Variants in ALK observed in about 807,000 individuals in gnomAD.
ALK encodes ALK receptor tyrosine kinase, also known as ALK tyrosine kinase receptor.
ALK carries 74 observed loss-of-function variants against 163.1 expected under a neutral mutation model. That is an observed-to-expected ratio of 0.45 (90% CI 0.38 to 0.55). ALK has a LOEUF of 0.55. ALK is among the 20% of genes least tolerant of loss of function. ALK has a pLI of 0.00. For missense variants in ALK, 2,063 were observed against 2,105.3 expected (o/e 0.98, Z 0.39); for synonymous variants, 960 against 843.2 (o/e 1.14, Z -2.40).
At chr2:29,473,655 A>T (rs1558339716) in intron 4 of ALK, among the ~76,000 whole-genome samples, 1 of 152,048 alleles carries the variant, frequency 6.6e-6, no homozygotes, top group South Asian at 2.1e-4. Flanking sequence ...CATCAGGGAA[A>T]TGCAGGAGTT....
chr2:29,746,302 C>A (rs1385717130), intron 1 of ALK, among the ~76,000 whole-genome samples: 8 of 152,142 alleles, frequency 5.3e-5, no homozygotes, highest in Admixed American at 5.2e-4. Flanking sequence ...CAGTTTTAAA[C>A]AATTAATTTT....
intron 3 of ALK, among the ~76,000 whole-genome samples, chr2:29,649,992 T>A (rs1023660655): frequency 6.6e-6 from 1 of 152,158 alleles, no homozygotes; most frequent in African/African-American, 2.4e-5. Context: ...CCTTTGGGAA[T>A]CAAACTCCAC....
intron 1 of ALK, among the ~76,000 whole-genome samples, chr2:29,779,522 C>A (rs1273607921): frequency 6.6e-6 from 1 of 152,222 alleles, no homozygotes; most frequent in South Asian, 2.1e-4. Flanking sequence ...GCTCTCTCTT[C>A]ACCAGCAATA....
chr2:29,359,014 A>T (rs762393463), intron 5 of ALK, among the ~76,000 whole-genome samples: 2 of 152,174 alleles, frequency 1.3e-5, no homozygotes, highest in Non-Finnish European at 2.9e-5. Flanking sequence ...GCTGTACAAC[A>T]TTATGCCTAT....
intron 11 of ALK, among the ~76,000 whole-genome samples, chr2:29,274,638 G>C (rs1433752371): frequency 1.3e-5 from 2 of 152,242 alleles, no homozygotes; most frequent in Non-Finnish European, 2.9e-5. Context: ...AGGGATCTGA[G>C]CTCTGGGGGA....
intron 4 of ALK, among the ~76,000 whole-genome samples, chr2:29,427,037 C>CAAAA (rs70958261): frequency 0.041 from 1,644 of 40,128 alleles, 374 homozygotes; most frequent in East Asian, 0.18. Context: ...GACTCCGTCT[C>CAAAA]AAAAAAAAAA....
At chr2:29,500,230 C>T (rs1213472245) in intron 4 of ALK, among the ~76,000 whole-genome samples, 1 of 152,176 alleles carries the variant, frequency 6.6e-6, no homozygotes, top group East Asian at 1.9e-4. Context: ...GGGTGGAATC[C>T]TCATGAAAGG....
chr2:29,249,367 G>GT (rs1426877803), intron 12 of ALK, among the ~76,000 whole-genome samples: 1 of 152,172 alleles, frequency 6.6e-6, no homozygotes, highest in African/African-American at 2.4e-5. Flanking sequence ...TATACGGGGT[G>GT]TGTTGCCCAA....
intron 4 of ALK, among the ~76,000 whole-genome samples, chr2:29,464,223 C>T (rs1189169173): frequency 6.6e-6 from 1 of 152,130 alleles, no homozygotes; most frequent in Non-Finnish European, 1.5e-5. Context: ...GATAATCACT[C>T]AGTGGAAACA....
intron 5 of ALK, among the ~76,000 whole-genome samples, chr2:29,340,505 G>A (rs539054623): frequency 1.3e-5 from 2 of 152,208 alleles, no homozygotes; most frequent in South Asian, 2.1e-4. Context: ...TGACATCCAC[G>A]GTAGCCACAG....
chr2:29,677,251 C>G (rs1677905576), intron 3 of ALK, among the ~76,000 whole-genome samples: 2 of 113,652 alleles, frequency 1.8e-5, no homozygotes, highest in Non-Finnish European at 3.7e-5. Context: ...CTCCCCTCCC[C>G]TCCCCTCCCC....
At chr2:29,441,738 T>G (rs760609665) in intron 4 of ALK, among the ~76,000 whole-genome samples, 12 of 152,144 alleles carry the variant, frequency 7.9e-5, no homozygotes, top group Non-Finnish European at 1.3e-4. Context: ...AGACTTTGAT[T>G]TGGGCATTAC....
rs561588251 is a variant in ALK, at chr2:29,822,333, G to C, written c.667+97660C>G. 7.9e-5 allele frequency among the ~76,000 whole-genome samples: 12 copies of C among 152,344 alleles called. No individual in the cohort carries two copies. The South Asian group carries it at 2.3e-3, about 29-fold the overall frequency. On this transcript the variant is annotated intron_variant, in intron 1 of 28. Transcript: ENST00000389048. ...TATAGGATCAGCCTAGAGAACTAAA[G>C]TCCCAGGGTACTTAGGCAGAGGGGA...
chr2:29,442,368 T>C (rs1024016018), intron 4 of ALK, among the ~76,000 whole-genome samples: 3 of 152,058 alleles, frequency 2.0e-5, no homozygotes, highest in Admixed American at 6.5e-5. Flanking sequence ...AGTTTGCCTA[T>C]AAACATGGAT....
At chr2:29,720,937 A>T (rs961399617) in intron 1 of ALK, among the ~76,000 whole-genome samples, 4 of 152,148 alleles carry the variant, frequency 2.6e-5, no homozygotes, top group African/African-American at 9.7e-5. Flanking sequence ...AATGCAGACC[A>T]ACTGGCTCAA....
intron 6 of ALK, among the ~76,000 whole-genome samples, chr2:29,321,924 A>G (rs1558670538): frequency 6.6e-6 from 1 of 152,170 alleles, no homozygotes; most frequent in Non-Finnish European, 1.5e-5. Context: ...AGCTTTCTAG[A>G]CTGTATATTT....
chr2:29,645,130 T>C (rs1332834736), intron 3 of ALK, among the ~76,000 whole-genome samples: 1 of 152,118 alleles, frequency 6.6e-6, no homozygotes, highest in African/African-American at 2.4e-5. Flanking sequence ...TCTTTTGTAA[T>C]ATTTTTGCTA....
chr2:29,872,291 G>A (rs1231050835), intron 1 of ALK, among the ~76,000 whole-genome samples: 1 of 152,182 alleles, frequency 6.6e-6, no homozygotes, highest in African/African-American at 2.4e-5. Flanking sequence ...ATGATATTAA[G>A]GACATCCTGA....
At chr2:29,245,611 C>A (rs1170624642) in intron 12 of ALK, among the ~76,000 whole-genome samples, 1 of 141,808 alleles carries the variant, frequency 7.1e-6, no homozygotes, top group Non-Finnish European at 1.5e-5. Flanking sequence ...GTGCCCTGCA[C>A]ACAGTAGGGG....
Sources: gnomAD v4.1 joint callset for allele counts (sites outside exome capture counted in the v4.1 genomes callset) on GRCh38, gnomAD v4.1.1 for gene constraint, MANE v1.5 for transcripts, NCBI Gene and HGNC (gene_info 2026-07-23, HGNC 2026-07-21) for gene names.